Variants in ACSBG1 observed in about 807,000 individuals in gnomAD.
The protein encoded by ACSBG1 is acyl-CoA synthetase bubblegum family member 1.
Under a neutral mutation model 80.2 loss-of-function variants are expected in ACSBG1, and 39 were observed. The ratio of observed to expected loss-of-function variants is 0.49; its 90% CI spans 0.38 to 0.64. ACSBG1 has a LOEUF of 0.64. Among genes scored for constraint, ACSBG1 ranks in the 30% least tolerant of loss-of-function variants. ACSBG1 has a pLI of 0.00. For synonymous variants in ACSBG1, 392 were observed against 379.5 expected (o/e 1.03, Z -0.38); for missense variants, 828 against 966.4 (o/e 0.86, Z 1.90).
chr15:78,179,572 G>T lies in ACSBG1; in HGVS notation c.1462C>A (p.Pro488Thr). Reference protein sequence around the residue: ...ETSGPHFMSSPYNYRLYSSGK... With the variant: ...ETSGPHFMSSTYNYRLYSSGK... ...CACCTGTACAGCCGGTAGTTGTAGG[G>T]ACTGGACATGAAGTGGGGGCCTGAG... Residue 488 changes from proline (P) to threonine (T), a missense_variant, in exon 10 of 14, where the codon CCC becomes ACC. Physicochemically the swap from Pro to Thr is conservative, Grantham distance 38. This residue lies in a region of ACSBG1 where 271 missense variants were observed against 375.9 expected (regional missense o/e 0.72). Coordinates refer to ENST00000258873, the MANE Select transcript of ACSBG1 (RefSeq NM_015162.5). The T allele has an allele frequency of 1.2e-6, 2 of 1,613,884 alleles. No individual in the cohort carries two copies. Among genetic ancestry groups the T allele is most frequent in the Non-Finnish European group, 1.7e-6 (2 of 1,179,780 alleles).
rs1190819520 is a variant in ACSBG1, at chr15:78,168,390, G to A, written c.*3054C>T. The A allele has an allele frequency of 1.3e-5, 2 of 152,142 alleles. No homozygotes were observed. The highest frequency in any genetic ancestry group is 4.1e-4 in the South Asian group (2 of 4,828). 9.4% of individuals were successfully genotyped at this position (152,142 alleles called of 1,614,324 possible). A position where few individuals can be genotyped will look rare whatever the true frequency, so the allele number is the denominator to read the frequency against. ...TGTAATTCCAGCTATTCAGGACGCT[G>A]AGGCAGGAGAATCGCTTGAACCCAG... On this transcript the variant is annotated 3_prime_UTR_variant, in exon 14 of 14. Transcript: ENST00000258873.
intron 1 of ACSBG1, among the ~76,000 whole-genome samples, chr15:78,225,440 A>AAT (rs1291469771): frequency 8.7e-5 from 13 of 149,506 alleles, no homozygotes; most frequent in African/African-American, 3.2e-4. Context: ...AATAAAAATA[A>AAT]ATTAAAAAAT....
rs778842355 is a variant in ACSBG1, at chr15:78,182,102, C to T, written c.938G>A (p.Arg313Gln). 43 of 1,612,202 alleles carry T rather than the reference C, an allele frequency of 2.7e-5. No individual in the cohort carries two copies. The highest frequency in any genetic ancestry group is 1.6e-4 in the Middle Eastern group (1 of 6,084). Residue 313 changes from arginine (R) to glutamine (Q), a missense_variant, in exon 8 of 14, where the codon CGG becomes CAG. By Grantham distance (43) the Arg-to-Gln change is conservative (BLOSUM62 1). Transcript: ENST00000258873. ...CACCTCCTGCTGGACTTCTGCCGGC[C>T]GGATGTCACCGGCCTGGCTGCCGTA... ...ARYGSQAGDI[R>Q]PAEVQQEVVV...
chr15:78,184,191 G>C (rs555082383), intron 5 of ACSBG1, among the ~76,000 whole-genome samples: 75 of 152,164 alleles, frequency 4.9e-4, no homozygotes, highest in African/African-American at 1.7e-3. Flanking sequence ...TTGTTTTGTT[G>C]GTTTTGTTTG....
intron 7 of ACSBG1, 59 bp from the exon 8 acceptor site, chr15:78,182,204 C>T: frequency 1.9e-6 from 3 of 1,567,112 alleles, no homozygotes; most frequent in Non-Finnish European, 2.6e-6. Context: ...GCGGTGCTCA[C>T]AACTGTGGCC....
At chr15:78,194,448 C>T in intron 3 of ACSBG1, 58 bp downstream of exon 3, 1 of 1,556,884 alleles carries the variant, frequency 6.4e-7, no homozygotes, top group Non-Finnish European at 8.8e-7. Flanking sequence ...CTGTGAGGCC[C>T]AGAGCTGGGA....
intron 1 of ACSBG1, among the ~76,000 whole-genome samples, chr15:78,211,852 C>A (rs561901728): frequency 1.2e-4 from 18 of 152,206 alleles, no homozygotes; most frequent in Non-Finnish European, 2.1e-4. Context: ...CACCCTCTCA[C>A]CCCTGTGGCC....
chr15:78,196,021 G>A (rs556423989), intron 2 of ACSBG1, among the ~76,000 whole-genome samples: 3 of 152,338 alleles, frequency 2.0e-5, no homozygotes, highest in East Asian at 3.9e-4. Flanking sequence ...GTGGAGGGCC[G>A]GAAGTAGGGA....
rs2074787640 is a variant in ACSBG1, at chr15:78,169,066, T to TA, written c.*2377dup. 9.8e-7 allele frequency: 1 copy of TA among 1,025,086 alleles called. No individual in the cohort carries two copies. The highest frequency in any genetic ancestry group is 1.6e-5 in the African/African-American group (1 of 63,416). 63.5% of individuals were successfully genotyped at this position (1,025,086 alleles called of 1,614,324 possible). On this transcript the variant is annotated 3_prime_UTR_variant, in exon 14 of 14. Coordinates refer to ENST00000258873, the MANE Select transcript of ACSBG1 (RefSeq NM_015162.5). ...AATGGACACCACATGAACCTCTGTTTAGAATACCTACGTATGTATGCATTG... is the reference window on the plus strand; with the variant it reads ...AATGGACACCACATGAACCTCTGTTTAAGAATACCTACGTATGTATGCATTG...
At chr15:78,218,794 CGG>C (rs1158562023) in intron 1 of ACSBG1, among the ~76,000 whole-genome samples, 2 of 38,108 alleles carry the variant, frequency 5.2e-5, no homozygotes, top group Non-Finnish European at 1.3e-4. Context: ...TTTTTTGAGA[CGG>C]AGTATCGCTC....
chr15:78,209,067 C>A (rs1261495285), intron 1 of ACSBG1: 2 of 438,218 alleles, frequency 4.6e-6, no homozygotes, highest in African/African-American at 2.0e-5. Context: ...AGGACCCTGG[C>A]TCCAGGGAGC....
At position 78,219,124 on chromosome 15, in the gene ACSBG1, C is replaced by G. The variant is rs535863824; in HGVS notation, c.132-11022G>C. ...ACTGCACCCAGCTGCATCTTCTTAA[C>G]CACTACTATATGCACTGCCTGAATT... On this transcript the variant is annotated intron_variant, in intron 1 of 13. Coordinates refer to ENST00000258873, the MANE Select transcript of ACSBG1 (RefSeq NM_015162.5). 4.5e-4 allele frequency among the ~76,000 whole-genome samples: 69 copies of G among 152,220 alleles called. 1 individual carries two copies. The highest frequency in any genetic ancestry group is 1.6e-3 in the African/African-American group (68 of 41,540).
At chr15:78,190,924 G>A (rs1485580759) in intron 5 of ACSBG1, among the ~76,000 whole-genome samples, 3 of 151,860 alleles carry the variant, frequency 2.0e-5, no homozygotes, top group African/African-American at 7.3e-5. Flanking sequence ...GAATAGATGG[G>A]ACAAATAAAA....
intron 2 of ACSBG1, among the ~76,000 whole-genome samples, chr15:78,195,907 A>G (rs567551111): frequency 6.6e-6 from 1 of 152,170 alleles, no homozygotes; most frequent in South Asian, 2.1e-4. Flanking sequence ...GAACTAGATG[A>G]GCTTGTTCCT....
At chr15:78,200,869 C>T (rs1567089834) in intron 2 of ACSBG1, among the ~76,000 whole-genome samples, 1 of 152,174 alleles carries the variant, frequency 6.6e-6, no homozygotes, top group African/African-American at 2.4e-5. Flanking sequence ...CACAGGGAGA[C>T]GTCTATACCA....
At chr15:78,207,917 T>TCCCCCCCCC in intron 2 of ACSBG1, 85 bp downstream of exon 2, 13 of 876,066 alleles carry the variant, frequency 1.5e-5, no homozygotes, top group East Asian at 5.4e-5. Context: ...TGTGTGGTGG[T>TCCCCCCCCC]CCCCCACACC....
chr15:78,234,464 T>G lies in ACSBG1; in HGVS notation c.38A>C (p.His13Pro). 6.2e-7 allele frequency: 1 copy of G among 1,612,676 alleles called. No individual in the cohort carries two copies. The highest frequency in any genetic ancestry group is 8.5e-7 in the Non-Finnish European group (1 of 1,179,972). ...RNSGAGYGCP[H>P]GDPSMLDSRE... is the part of the protein sequence containing the mutation. ...GCTGTCCAGCATGCTGGGGTCCCCGTGTGGGCAGCCGTATCCAGCTCCAGA... is the reference window on the plus strand; with the variant it reads ...GCTGTCCAGCATGCTGGGGTCCCCGGGTGGGCAGCCGTATCCAGCTCCAGA... The change falls in exon 1 of 14, where the codon CAC becomes CCC. Residue 13 changes from histidine to proline, a missense_variant. By Grantham distance (77) the His-to-Pro change is moderately conservative (BLOSUM62 -2). Coordinates refer to ENST00000258873, the MANE Select transcript of ACSBG1 (RefSeq NM_015162.5).
chr15:78,210,848 A>C (rs1467883240), intron 1 of ACSBG1, among the ~76,000 whole-genome samples: 1 of 152,174 alleles, frequency 6.6e-6, no homozygotes, highest in African/African-American at 2.4e-5. Context: ...TCCTGGGCTC[A>C]AGCGATCCTC....
Position 78,183,484 on chromosome 15 carries a change from C to T in ACSBG1, c.664-699G>A, listed in dbSNP as rs563853808. Among the ~76,000 whole-genome samples the T allele has an allele frequency of 5.9e-5, 9 of 151,794 alleles. No individual in the cohort carries two copies. In the South Asian group the frequency reaches 1.7e-3, roughly 28 times the overall value. ...CCCAGCTACTCGGGAGACTGAGGCA[C>T]GAGACTCGCTTGAGCCCGGGAGGCA... On this transcript the variant is annotated intron_variant, in intron 5 of 13. Transcript: ENST00000258873.
Sources: allele counts gnomAD v4.1 joint callset (sites outside exome capture counted in the v4.1 genomes callset), GRCh38; gene constraint gnomAD v4.1.1; regional missense constraint gnomAD v4.1.1; transcripts MANE v1.5; gene names NCBI Gene and HGNC (gene_info 2026-07-23, HGNC 2026-07-21).